The following TMEM178B variants were observed in gnomAD, a reference collection of about 807,000 sequenced individuals.
The protein encoded by TMEM178B is transmembrane protein 178B.
A neutral mutation model predicts 31.0 loss-of-function variants in TMEM178B; 5 were observed. The ratio of observed to expected loss-of-function variants is 0.16; its 90% CI spans 0.08 to 0.34. The LOEUF (loss-of-function observed/expected upper bound fraction) is 0.34, where lower values mean the gene tolerates loss of function less well. TMEM178B is among the 10% of genes least tolerant of loss of function. The pLI, the probability that TMEM178B is intolerant of heterozygous loss-of-function variation, is 1.00. For synonymous variants in TMEM178B, 164 were observed against 164.0 expected (o/e 1.00, Z 0.00); for missense variants, 275 against 400.3 (o/e 0.69, Z 2.67).
chr7:141,076,532 A>G (rs936722789), intron 1 of TMEM178B, among the ~76,000 whole-genome samples: 1 of 152,154 alleles, frequency 6.6e-6, no homozygotes, highest in East Asian at 1.9e-4. Flanking sequence ...TGGCGGTTCC[A>G]TTCAGAGCTT....
chr7:141,411,461 G>A (rs1256236024), intron 2 of TMEM178B, among the ~76,000 whole-genome samples: 1 of 151,954 alleles, frequency 6.6e-6, no homozygotes, highest in Non-Finnish European at 1.5e-5. Context: ...GGGGGAGGAA[G>A]GAACCACCAT....
In TMEM178B at chr7:141,437,756, G is replaced by C; in HGVS notation, c.634+11G>C. 6.5e-7 allele frequency: 1 copy of C among 1,535,698 alleles called. No individual in the cohort carries two copies. Among genetic ancestry groups the C allele is most frequent in the Non-Finnish European group, 8.7e-7 (1 of 1,146,718 alleles). On this transcript the variant is annotated intron_variant, in intron 3 of 3. Coordinates refer to ENST00000565468, the MANE Select transcript of TMEM178B (RefSeq NM_001195278.2). The stretch of plus-strand genomic sequence containing the variant: ...TCTTCCTCATGGGAGGTAAGGCTAC[G>C]GGCTCGGCTTGTGGGTGGCAGTGGA...
chr7:141,150,369 A>T (rs529859599), intron 1 of TMEM178B, among the ~76,000 whole-genome samples: 55 of 152,244 alleles, frequency 3.6e-4, no homozygotes, highest in African/African-American at 1.3e-3. Context: ...GGGCTCAGTT[A>T]TATGTATGTT....
chr7:141,095,556 T>C (rs1382138097), intron 1 of TMEM178B, among the ~76,000 whole-genome samples: 1 of 152,220 alleles, frequency 6.6e-6, no homozygotes, highest in Non-Finnish European at 1.5e-5. Context: ...TCCCAGTACA[T>C]AGGCTTATTG....
chr7:141,278,637 G>A (rs971921332), intron 2 of TMEM178B, among the ~76,000 whole-genome samples: 2 of 152,014 alleles, frequency 1.3e-5, no homozygotes, highest in African/African-American at 4.8e-5. Flanking sequence ...CCTCTTGAGG[G>A]GTATGGTCAG....
At chr7:141,404,559 C>A (rs1800847365) in intron 2 of TMEM178B, among the ~76,000 whole-genome samples, 1 of 152,150 alleles carries the variant, frequency 6.6e-6, no homozygotes, top group South Asian at 2.1e-4. Flanking sequence ...GGTCTCAGAT[C>A]TTCCTGTCCT....
chr7:141,135,752 A>T (rs1795665605), intron 1 of TMEM178B, among the ~76,000 whole-genome samples: 1 of 152,122 alleles, frequency 6.6e-6, no homozygotes, highest in Admixed American at 6.6e-5. Context: ...AGGGAAGCTT[A>T]TAGCAATAAA....
At chr7:141,342,801 C>T (rs1224227169) in intron 2 of TMEM178B, among the ~76,000 whole-genome samples, 1 of 152,194 alleles carries the variant, frequency 6.6e-6, no homozygotes, top group Non-Finnish European at 1.5e-5. Flanking sequence ...TCGAGTCAGG[C>T]TTCAGTTTCT....
At chr7:141,165,153 T>A (rs752693699) in intron 1 of TMEM178B, among the ~76,000 whole-genome samples, 1 of 148,732 alleles carries the variant, frequency 6.7e-6, no homozygotes, top group African/African-American at 2.5e-5. Flanking sequence ...CCTGATAATA[T>A]TATTTATTAG....
Position 141,296,497 on chromosome 7 carries a change from T to C in TMEM178B, c.496+83793T>C, listed in dbSNP as rs1415581587. Among the ~76,000 whole-genome samples, 3 of 152,188 alleles carry C rather than the reference T, an allele frequency of 2.0e-5. No individual in the cohort carries two copies. In the East Asian group the frequency reaches 5.8e-4, roughly 29 times the overall value. On this transcript the variant is annotated intron_variant, in intron 2 of 3. Transcript: ENST00000565468. ...GCTAGGCTGAGGATGCAGAGATGAA[T>C]AGACAACAGTGCCTGCTTGCAGAAA...
intron 2 of TMEM178B, among the ~76,000 whole-genome samples, chr7:141,343,525 C>CTTTTTTTTTTTTTTTTTTTTTTT: frequency 1.1e-5 from 1 of 87,000 alleles, no homozygotes; most frequent in Non-Finnish European, 2.1e-5. Flanking sequence ...ATGGGAGCAC[C>CTTTTTTTTTTTTTTTTTTTTTTT]TTTTTTTTTT....
intron 2 of TMEM178B, among the ~76,000 whole-genome samples, chr7:141,373,666 T>G (rs369346624): frequency 7.9e-5 from 12 of 152,066 alleles, no homozygotes; most frequent in African/African-American, 2.9e-4. Context: ...CAACACACAT[T>G]GGGCAGGCTG....
At chr7:141,484,926 C>T (rs1802531840), downstream of TMEM178B, among the ~76,000 whole-genome samples, 1 of 152,074 alleles carries the variant, frequency 6.6e-6, no homozygotes, top group East Asian at 1.9e-4. This position sits in a 1 kb window ranked among gnomAD's most constrained non-coding sequence, Gnocchi z 4.8. Context: ...AAAAATCAGT[C>T]TGAGGTTTCA....
At chr7:141,351,576 T>C (rs567651246) in intron 2 of TMEM178B, among the ~76,000 whole-genome samples, 211 of 152,324 alleles carry the variant, frequency 1.4e-3, no homozygotes, top group Non-Finnish European at 1.2e-3. Flanking sequence ...CACCCCTTGA[T>C]AAGAGGGGCT....
At chr7:141,336,721 TTAC>T (rs1359564140) in intron 2 of TMEM178B, among the ~76,000 whole-genome samples, 1 of 151,496 alleles carries the variant, frequency 6.6e-6, no homozygotes, top group Non-Finnish European at 1.5e-5. Flanking sequence ...TATATAACTC[TTAC>T]TACCATCACT....
intron 1 of TMEM178B, among the ~76,000 whole-genome samples, chr7:141,205,735 G>A (rs1170738387): frequency 6.6e-6 from 1 of 152,204 alleles, no homozygotes; most frequent in Non-Finnish European, 1.5e-5. Flanking sequence ...GCCTAGAAGG[G>A]CCCTGCTTAA....
chr7:141,425,923 C>T (rs111365695), intron 2 of TMEM178B, among the ~76,000 whole-genome samples: 14 of 152,198 alleles, frequency 9.2e-5, no homozygotes, highest in African/African-American at 3.4e-4. Context: ...CCCCCTATCT[C>T]TTCCTGACTT....
chr7:141,174,630 C>T (rs1281121174), intron 1 of TMEM178B, among the ~76,000 whole-genome samples: 1 of 152,142 alleles, frequency 6.6e-6, no homozygotes, highest in Non-Finnish European at 1.5e-5. Context: ...TCTGTTGTTT[C>T]CTGACTTTTT....
chr7:141,271,234 T>C (rs1798175721), intron 2 of TMEM178B, among the ~76,000 whole-genome samples: 1 of 152,152 alleles, frequency 6.6e-6, no homozygotes, highest in Non-Finnish European at 1.5e-5. Flanking sequence ...GGAGGCCTGC[T>C]TCAAAATCTC....
Sources: gnomAD v4.1 joint callset for allele counts (sites outside exome capture counted in the v4.1 genomes callset) on GRCh38, gnomAD v4.1.1 for gene constraint, Gnocchi (gnomAD v3.1) non-coding constraint, MANE v1.5 for transcripts, NCBI Gene and HGNC (gene_info 2026-07-23, HGNC 2026-07-21) for gene names.